The following FGF12 variants were observed in gnomAD, a reference collection of about 807,000 sequenced individuals.
FGF12 encodes the protein fibroblast growth factor 12.
Under a neutral mutation model 23.6 loss-of-function variants are expected in FGF12, and 14 were observed. The observed-to-expected ratio is 0.59, with a 90% CI of 0.39 to 0.93. FGF12 has a LOEUF of 0.93. Ranked by LOEUF, FGF12 falls within the 40% of genes least tolerant of loss-of-function variation. The probability of loss-of-function intolerance (pLI) is 0.00; values close to 1 mark genes in which losing one functional copy is unlikely to be tolerated. For missense variants in FGF12, 175 were observed against 217.8 expected (o/e 0.80, Z 1.24); for synonymous variants, 62 against 77.3 (o/e 0.80, Z 1.04).
chr3:192,711,940 CAAAAAAAAAA>C (rs60779864), intron 2 of FGF12, among the ~76,000 whole-genome samples: 4 of 50,830 alleles, frequency 7.9e-5, no homozygotes, highest in Non-Finnish European at 2.0e-4. Context: ...CAAGAACGAT[CAAAAAAAAAA>C]AAAAAAAAAA....
intron 2 of FGF12, among the ~76,000 whole-genome samples, chr3:192,557,451 A>G (rs1404613661): frequency 6.6e-6 from 1 of 151,936 alleles, no homozygotes; most frequent in Non-Finnish European, 1.5e-5. Context: ...GCCCATGACT[A>G]GATGGCTTCA....
At chr3:192,404,221 A>T (rs1352907778) in intron 2 of FGF12, among the ~76,000 whole-genome samples, 1 of 152,152 alleles carries the variant, frequency 6.6e-6, no homozygotes, top group Non-Finnish European at 1.5e-5. Context: ...TAATAAAAAC[A>T]CCCACATCAC....
At chr3:192,595,560 G>T (rs2108626076) in intron 2 of FGF12, among the ~76,000 whole-genome samples, 1 of 152,306 alleles carries the variant, frequency 6.6e-6, no homozygotes, top group Non-Finnish European at 1.5e-5. Context: ...TTAAAACACA[G>T]ATTGCTGGGC....
Position 192,656,032 on chromosome 3 carries a change from G to C in FGF12, c.13+71149C>G, listed in dbSNP as rs1716401855. Among the ~76,000 whole-genome samples the C allele has an allele frequency of 2.3e-5, 3 of 130,862 alleles. No individual in the cohort carries two copies. The South Asian group carries it at 8.3e-4, about 36-fold the overall frequency. The allele number at this position is 130,862 out of a possible 152,430, so 85.9% of individuals were successfully genotyped here. On this transcript the variant is annotated intron_variant, in intron 2 of 5. Coordinates refer to ENST00000445105, the MANE Select transcript of FGF12 (RefSeq NM_004113.6). ...AGAAAAGAAATTCCCTCATCCAGGA[G>C]GTTCAGGCAAAAAAAAAAAAAAAAA...
chr3:192,582,032 C>T (rs1336858677), intron 2 of FGF12, among the ~76,000 whole-genome samples: 1 of 152,068 alleles, frequency 6.6e-6, no homozygotes, highest in Non-Finnish European at 1.5e-5. Flanking sequence ...TTATTCTAGG[C>T]CCACTAAAGT....
At chr3:192,604,605 C>A (rs1213672527) in intron 2 of FGF12, among the ~76,000 whole-genome samples, 1 of 152,096 alleles carries the variant, frequency 6.6e-6, no homozygotes, top group African/African-American at 2.4e-5. Context: ...CTGGAAGAAT[C>A]AATATTGTTA....
At chr3:192,427,131 C>A (rs1249781027) in intron 2 of FGF12, among the ~76,000 whole-genome samples, 1 of 151,852 alleles carries the variant, frequency 6.6e-6, no homozygotes, top group African/African-American at 2.4e-5. Flanking sequence ...ACCTGTAATC[C>A]CAGCACTTTG....
At chr3:192,532,819 T>C (rs974939944) in intron 2 of FGF12, among the ~76,000 whole-genome samples, 6 of 152,176 alleles carry the variant, frequency 3.9e-5, no homozygotes, top group Non-Finnish European at 7.4e-5. Flanking sequence ...TTTTTGCTTG[T>C]TTATTTTTTT....
At chr3:192,465,548 A>G (rs11916831) in intron 2 of FGF12, among the ~76,000 whole-genome samples, 7,128 of 152,234 alleles carry the variant, frequency 0.047, 600 homozygotes, top group African/African-American at 0.16. Context: ...GGCGTCTGGA[A>G]ACTTGGTCGA....
rs13061382 is a variant in FGF12 at position 192,727,401 on chromosome 3, C to T, written c.-130-78G>A. On this transcript the variant is annotated intron_variant, in intron 1 of 5. Transcript: ENST00000445105. ...ACTTAGGAGCAGCAGCAGATTGCCT[C>T]TACAGGGGATACGTTGCGACGCGCA... is the stretch of plus-strand genomic sequence containing the variant. The T allele has an allele frequency of 1.3e-4, 185 of 1,446,430 alleles. No individual in the cohort carries two copies. In the East Asian group the frequency reaches 4.1e-3, roughly 32 times the overall value. The allele number at this position is 1,446,430 out of a possible 1,614,324, so 89.6% of individuals were successfully genotyped here.
chr3:192,603,204 A>G (rs1714190094), intron 2 of FGF12, among the ~76,000 whole-genome samples: 1 of 152,194 alleles, frequency 6.6e-6, no homozygotes, highest in African/African-American at 2.4e-5. Flanking sequence ...CAAGAGAAAG[A>G]AATCAAAGGC....
chr3:192,161,170 G>A (rs1033283935), intron 5 of FGF12, among the ~76,000 whole-genome samples: 3 of 151,962 alleles, frequency 2.0e-5, no homozygotes, highest in African/African-American at 4.8e-5. Context: ...GATTGTCAAG[G>A]CATGACCCCT....
chr3:192,677,777 G>C (rs1423229183), intron 2 of FGF12, among the ~76,000 whole-genome samples: 1 of 152,152 alleles, frequency 6.6e-6, no homozygotes, highest in African/African-American at 2.4e-5. Context: ...GTCTCACACA[G>C]AGCTGGTACC....
intron 2 of FGF12, among the ~76,000 whole-genome samples, chr3:192,435,920 A>G (rs1346217095): frequency 6.6e-6 from 1 of 152,216 alleles, no homozygotes; most frequent in Non-Finnish European, 1.5e-5. Context: ...ATTCCCTGGC[A>G]TTTTTAAAAA....
intron 4 of FGF12, among the ~76,000 whole-genome samples, chr3:192,177,275 C>A (rs531163329): frequency 6.9e-4 from 105 of 152,292 alleles, no homozygotes; most frequent in African/African-American, 2.5e-3. Flanking sequence ...AATTATTTAA[C>A]AGATATGAAA....
chr3:192,499,512 AT>A (rs1724062561), intron 2 of FGF12, among the ~76,000 whole-genome samples: 4 of 44,076 alleles, frequency 9.1e-5, no homozygotes, highest in African/African-American at 4.3e-4. Context: ...ATATATATAT[AT>A]ATATTTTTTT....
chr3:192,600,825 G>T (rs1395099862), intron 2 of FGF12, among the ~76,000 whole-genome samples: 1 of 151,932 alleles, frequency 6.6e-6, no homozygotes, highest in Non-Finnish European at 1.5e-5. Context: ...GCAGAAAAAA[G>T]GTTACTCTTA....
At chr3:192,300,980 G>A (rs1715319300) in intron 4 of FGF12, among the ~76,000 whole-genome samples, 1 of 152,112 alleles carries the variant, frequency 6.6e-6, no homozygotes, top group Admixed American at 6.6e-5. Flanking sequence ...CAGCCTGGAG[G>A]ACAGAGTAAG....
intron 4 of FGF12, among the ~76,000 whole-genome samples, chr3:192,174,250 A>G (rs182721968): frequency 6.6e-6 from 1 of 152,358 alleles, no homozygotes; most frequent in Admixed American, 6.5e-5. Flanking sequence ...CTCCCGGAAC[A>G]GCAAAAATCA....
Sources: gnomAD v4.1 joint callset for allele counts (sites outside exome capture counted in the v4.1 genomes callset) on GRCh38, gnomAD v4.1.1 for gene constraint, MANE v1.5 for transcripts, NCBI Gene and HGNC (gene_info 2026-07-23, HGNC 2026-07-21) for gene names.